Variants in C10orf90 observed in about 807,000 individuals in gnomAD.
C10orf90 encodes the protein (E2-independent) E3 ubiquitin-conjugating enzyme FATS.
C10orf90 carries 56 observed loss-of-function variants against 62.5 expected under a neutral mutation model. That is an observed-to-expected ratio of 0.90 (90% CI 0.72 to 1.12). C10orf90 has a LOEUF of 1.12. Ranked by LOEUF, C10orf90 falls within the 50% of genes most tolerant of loss-of-function variation. The pLI is 0.00. For synonymous variants in C10orf90, 386 were observed against 340.4 expected (o/e 1.13, Z -1.47); for missense variants, 970 against 880.4 (o/e 1.10, Z -1.29).
At chr10:126,620,167 T>C (rs1273152052) in intron 2 of C10orf90, among the ~76,000 whole-genome samples, 1 of 152,208 alleles carries the variant, frequency 6.6e-6, no homozygotes, top group African/African-American at 2.4e-5. Flanking sequence ...TCCTTTATGG[T>C]GTCTTATGTT....
At chr10:126,667,953 G>A (rs1460764934) in intron 1 of C10orf90, among the ~76,000 whole-genome samples, 1 of 152,058 alleles carries the variant, frequency 6.6e-6, no homozygotes, top group Non-Finnish European at 1.5e-5. Flanking sequence ...TCCCAATCCT[G>A]GTAACTTTCA....
intron 4 of C10orf90, 111 bp downstream of exon 4, chr10:126,503,846 T>A (rs1258312996): frequency 3.1e-6 from 4 of 1,308,624 alleles, no homozygotes; most frequent in Non-Finnish European, 4.2e-6. Flanking sequence ...TCACTGCAAG[T>A]CTACTGAGAA....
intron 1 of C10orf90, among the ~76,000 whole-genome samples, chr10:126,648,137 G>T (rs533969469): frequency 6.6e-6 from 1 of 151,826 alleles, no homozygotes; most frequent in Non-Finnish European, 1.5e-5. Context: ...GAGTGGGCTT[G>T]CTCGCTTCTG....
intron 4 of C10orf90, chr10:126,470,262 A>G (rs1860510044): frequency 8.6e-6 from 3 of 347,734 alleles, no homozygotes; most frequent in Non-Finnish European, 1.7e-5. Flanking sequence ...CATGGAGGCC[A>G]TGAAAGAGGA....
intron 7 of C10orf90, among the ~76,000 whole-genome samples, chr10:126,437,241 G>A (rs1308917304): frequency 6.6e-6 from 1 of 152,198 alleles, no homozygotes; most frequent in Non-Finnish European, 1.5e-5. Flanking sequence ...AAAGATATAA[G>A]GTTGTGGTTC....
intron 4 of C10orf90, among the ~76,000 whole-genome samples, chr10:126,488,092 C>G (rs1013219548): frequency 1.3e-5 from 2 of 151,472 alleles, no homozygotes; most frequent in African/African-American, 4.9e-5. Flanking sequence ...AAGGAAGGAT[C>G]AAAAGAAAAA....
rs371057454 is a variant in C10orf90, at chr10:126,425,973, T to C, written c.2352+18A>G. 1.2e-6 allele frequency: 2 copies of C among 1,613,700 alleles called. No homozygotes were observed. Among genetic ancestry groups the C allele is most frequent in the African/African-American group, 2.7e-5 (2 of 74,930 alleles). On this transcript the variant is annotated intron_variant, in intron 9 of 9. Transcript: ENST00000488181. ...TGTGCACCACACACATCACACCTGC[T>C]GGTGACGAGGCCATTACCTTTTTGA...
At chr10:126,519,892 C>T (rs1452852427) in intron 2 of C10orf90, among the ~76,000 whole-genome samples, 3 of 152,150 alleles carry the variant, frequency 2.0e-5, no homozygotes, top group African/African-American at 7.2e-5. Context: ...GAGGCCAGAT[C>T]CCCTCCGTGA....
rs528905586 is a variant in C10orf90 at position 126,642,512 on chromosome 10, A to G, written c.313+4053T>C. Among the ~76,000 whole-genome samples the G allele has an allele frequency of 4.3e-4, 65 of 152,148 alleles. 2 individuals are homozygous for G. The South Asian group carries it at 0.012, about 29-fold the overall frequency. On this transcript the variant is annotated intron_variant, in intron 2 of 9. Transcript: ENST00000488181. Reference sequence around the variant, plus strand: ...GCGCCACTGCACTCCAGCCTGGGCGACAGAGCGAGACTCCATCTCAAAAAA... The same window carrying G: ...GCGCCACTGCACTCCAGCCTGGGCGGCAGAGCGAGACTCCATCTCAAAAAA...
At chr10:126,557,010 TAAAAA>T (rs200947401) in intron 2 of C10orf90, among the ~76,000 whole-genome samples, 2 of 131,948 alleles carry the variant, frequency 1.5e-5, no homozygotes, top group Non-Finnish European at 3.2e-5. Context: ...TTAATCAATT[TAAAAA>T]AAAAAAAAAA....
chr10:126,457,198 AG>A (rs1342249596), intron 7 of C10orf90, among the ~76,000 whole-genome samples: 1 of 152,182 alleles, frequency 6.6e-6, no homozygotes, highest in Non-Finnish European at 1.5e-5. Context: ...CATGTTGCCC[AG>A]GCTGGTCTTG....
Position 126,630,781 on chromosome 10 carries a change from T to C in C10orf90, c.313+15784A>G, listed in dbSNP as rs184052788. ...GCAGCTCTTGGATCTATTAAGAGGA[T>C]GAAGTGAAATGTGACATCATCTTCC... On this transcript the variant is annotated intron_variant, in intron 2 of 9. Coordinates refer to ENST00000488181, the MANE Select transcript of C10orf90 (RefSeq NM_001350921.2). 1.0e-3 allele frequency among the ~76,000 whole-genome samples: 157 copies of C among 152,320 alleles called. 1 individual carries two copies. Among genetic ancestry groups the C allele is most frequent in the Admixed American group, 2.2e-3 (33 of 15,298 alleles).
At chr10:126,556,609 G>A (rs75684503) in intron 2 of C10orf90, among the ~76,000 whole-genome samples, 2 of 152,178 alleles carry the variant, frequency 1.3e-5, no homozygotes, top group Non-Finnish European at 1.5e-5. Flanking sequence ...GCAATACACC[G>A]GCAGTGTATT....
intron 4 of C10orf90, among the ~76,000 whole-genome samples, chr10:126,479,978 A>G (rs1861086278): frequency 6.6e-6 from 1 of 152,220 alleles, no homozygotes; most frequent in African/African-American, 2.4e-5. Context: ...TTATCCCTTG[A>G]AAAATATATC....
At chr10:126,430,240 C>A (rs1590877494) in intron 7 of C10orf90, among the ~76,000 whole-genome samples, 2 of 152,164 alleles carry the variant, frequency 1.3e-5, no homozygotes, top group South Asian at 2.1e-4. Flanking sequence ...AAATCCCCCA[C>A]CTATCCCTAG....
intron 2 of C10orf90, among the ~76,000 whole-genome samples, chr10:126,550,480 T>C (rs926821081): frequency 6.6e-6 from 1 of 152,070 alleles, no homozygotes; most frequent in Non-Finnish European, 1.5e-5. Flanking sequence ...TAGGAGGAAA[T>C]AGAACAAAGG....
At chr10:126,594,063 C>T (rs759500243) in intron 2 of C10orf90, among the ~76,000 whole-genome samples, 1 of 151,010 alleles carries the variant, frequency 6.6e-6, no homozygotes, top group Non-Finnish European at 1.5e-5. Context: ...GCCCATGTGT[C>T]CCCTGATAAT....
chr10:126,633,477 C>T (rs900117967), intron 2 of C10orf90, among the ~76,000 whole-genome samples: 3 of 152,226 alleles, frequency 2.0e-5, no homozygotes, highest in Non-Finnish European at 4.4e-5. Flanking sequence ...GGGCTCCTGG[C>T]CCAGAAAGAT....
intron 2 of C10orf90, among the ~76,000 whole-genome samples, chr10:126,546,891 A>C (rs1864504997): frequency 6.6e-6 from 1 of 152,154 alleles, no homozygotes; most frequent in Non-Finnish European, 1.5e-5. Flanking sequence ...CTGGGAGGCC[A>C]AGGCAGGTGG....
Sources: gnomAD v4.1 joint callset for allele counts (sites outside exome capture counted in the v4.1 genomes callset) on GRCh38, gnomAD v4.1.1 for gene constraint, MANE v1.5 for transcripts, NCBI Gene and HGNC (gene_info 2026-07-23, HGNC 2026-07-21) for gene names.